BBOX1: variants seen among roughly 807,000 people sequenced by gnomAD.
BBOX1 encodes the protein gamma-butyrobetaine hydroxylase 1.
In BBOX1, 35 loss-of-function variants were observed where a neutral mutation model predicts 41.6. The observed-to-expected ratio is 0.84, with a 90% CI of 0.64 to 1.11. BBOX1 has a LOEUF of 1.11. Among genes scored for constraint, BBOX1 ranks in the 50% most tolerant of loss-of-function variants. BBOX1 has a pLI of 0.00. For synonymous variants in BBOX1, 163 were observed against 154.7 expected, an observed-to-expected ratio of 1.05 and a Z score of -0.40; for missense variants, 458 against 460.6, an observed-to-expected ratio of 0.99 and a Z score of 0.05.
At chr11:27,106,159 G>A (rs570941653) in intron 5 of BBOX1, among the ~76,000 whole-genome samples, 18 of 152,060 alleles carry the variant, frequency 1.2e-4, no homozygotes, top group Non-Finnish European at 5.9e-5. Flanking sequence ...AAAGACCATC[G>A]ATGTTAGGAA....
chr11:27,078,474 C>T (rs1245578458), intron 4 of BBOX1, among the ~76,000 whole-genome samples: 1 of 152,030 alleles, frequency 6.6e-6, no homozygotes, highest in Non-Finnish European at 1.5e-5. Flanking sequence ...TTCCCCTATC[C>T]CCCCACCATG....
chr11:27,068,979 T>C lies in BBOX1; in HGVS notation c.334+11664T>C, dbSNP rs546750674. 7.2e-5 allele frequency among the ~76,000 whole-genome samples: 11 copies of C among 152,288 alleles called. No individual in the cohort carries two copies. In the South Asian group the frequency reaches 2.3e-3, roughly 32 times the overall value. ...TGCTGTTTTGGTAACTATAGCATTA[T>C]AGTAAAATTTGAAATCAGTTCAGAT... On this transcript the variant is annotated intron_variant, in intron 4 of 8. Transcript: ENST00000263182.
chr11:27,118,097 G>T (rs1202364147), intron 6 of BBOX1, among the ~76,000 whole-genome samples: 1 of 151,858 alleles, frequency 6.6e-6, no homozygotes, highest in Middle Eastern at 3.2e-3. Context: ...GAAGAAAAAA[G>T]TTCTTTGTAT....
chr11:27,094,181 T>C (rs1858350794), intron 5 of BBOX1, among the ~76,000 whole-genome samples: 1 of 151,948 alleles, frequency 6.6e-6, no homozygotes, highest in African/African-American at 2.4e-5. Context: ...AAGAGGCTGT[T>C]TGCATAAGAA....
intron 5 of BBOX1, among the ~76,000 whole-genome samples, chr11:27,108,556 G>A (rs1858944541): frequency 6.6e-6 from 1 of 152,040 alleles, no homozygotes; most frequent in Non-Finnish European, 1.5e-5. Context: ...GGAGTGACAT[G>A]AACTTCATAG....
At position 27,057,291 on chromosome 11, in the gene BBOX1, C is replaced by A. The variant is rs1317290982; in HGVS notation, c.310C>A (p.Leu104Ile). Residue 104 changes from leucine to isoleucine, a missense_variant, in exon 4 of 9, where the codon CTC (leucine) becomes ATC (isoleucine). By Grantham distance (5) the Leu-to-Ile change is conservative (BLOSUM62 2). Transcript: ENST00000263182. ...CTTTTCCAAGCAGGCCAGAGCAAAG[C>A]TCCAAAGAGAATTGTTTTTTCCAGG... ...RCFSKQARAK[L>I]QRELFFPECQ... The A allele has an allele frequency of 6.2e-7, 1 of 1,611,402 alleles. No homozygotes were observed.
intron 3 of BBOX1, 54 bp from the exon 4 acceptor site, chr11:27,057,147 G>A: frequency 8.3e-7 from 1 of 1,199,620 alleles, no homozygotes; most frequent in Non-Finnish European, 1.2e-6. Context: ...CAGAGCAATA[G>A]TGGAGAACGG....
rs541547655 is a variant in BBOX1, at chr11:27,071,937, A to G, written c.334+14622A>G. Among the ~76,000 whole-genome samples the G allele has an allele frequency of 2.6e-5, 4 of 152,286 alleles. No homozygotes were observed. In the South Asian group the frequency reaches 6.2e-4, roughly 24 times the overall value. Reference sequence around the variant, plus strand: ...GACATATCTCAAAATAATAAGAGCTATTTATGACAAACCCACAGCCAATAT... The same window carrying G: ...GACATATCTCAAAATAATAAGAGCTGTTTATGACAAACCCACAGCCAATAT... On this transcript the variant is annotated intron_variant, in intron 4 of 8. Transcript: ENST00000263182.
intron 4 of BBOX1, among the ~76,000 whole-genome samples, chr11:27,072,170 C>T (rs1374924994): frequency 6.6e-6 from 1 of 152,120 alleles, no homozygotes; most frequent in East Asian, 1.9e-4. Flanking sequence ...ATTTAGAAAA[C>T]CCCATCATCT....
At chr11:27,048,532 T>TA (rs1564950638) in intron 2 of BBOX1, among the ~76,000 whole-genome samples, 1 of 150,204 alleles carries the variant, frequency 6.7e-6, no homozygotes, top group African/African-American at 2.5e-5. Context: ...GATAGATAGA[T>TA]GATAGATAGA....
At chr11:27,058,143 G>T (rs1857039696) in intron 4 of BBOX1, among the ~76,000 whole-genome samples, 1 of 152,126 alleles carries the variant, frequency 6.6e-6, no homozygotes, top group Non-Finnish European at 1.5e-5. Flanking sequence ...GTTCTTGCAA[G>T]ATCTGGTCAT....
chr11:27,098,305 T>C (rs1446227237), intron 5 of BBOX1, among the ~76,000 whole-genome samples: 1 of 151,990 alleles, frequency 6.6e-6, no homozygotes, highest in East Asian at 1.9e-4. Context: ...GTGAAACCAC[T>C]ACCAGTACCT....
At chr11:27,084,144 G>T (rs1333555942) in intron 4 of BBOX1, among the ~76,000 whole-genome samples, 1 of 152,138 alleles carries the variant, frequency 6.6e-6, no homozygotes, top group Non-Finnish European at 1.5e-5. Context: ...GGCATGGGTA[G>T]CCTGAGCACC....
chr11:27,104,565 T>G (rs1303379892), intron 5 of BBOX1, among the ~76,000 whole-genome samples: 1 of 152,162 alleles, frequency 6.6e-6, no homozygotes, highest in Non-Finnish European at 1.5e-5. Flanking sequence ...TGTGGAGATT[T>G]TCGTATTAGT....
intron 4 of BBOX1, among the ~76,000 whole-genome samples, chr11:27,079,864 C>T (rs1857773219): frequency 6.6e-6 from 1 of 152,096 alleles, no homozygotes; most frequent in African/African-American, 2.4e-5. Flanking sequence ...CTGTTTGTCT[C>T]TCATGATACT....
intron 4 of BBOX1, among the ~76,000 whole-genome samples, chr11:27,068,190 A>T (rs1025874596): frequency 2.6e-5 from 4 of 152,028 alleles, no homozygotes; most frequent in African/African-American, 9.7e-5. Flanking sequence ...TTACATTCCT[A>T]CCCACAGTGA....
chr11:27,084,354 A>G (rs1857958829), intron 4 of BBOX1, among the ~76,000 whole-genome samples: 1 of 152,080 alleles, frequency 6.6e-6, no homozygotes, highest in Non-Finnish European at 1.5e-5. Context: ...CTTGCATTCA[A>G]ATCTTCATCA....
chr11:27,047,447 A>G (rs1220614032), intron 2 of BBOX1: 1 of 152,210 alleles, frequency 6.6e-6, no homozygotes, highest in Non-Finnish European at 1.5e-5. Context: ...GCACACCACC[A>G]TCTTTAAGCA....
At chr11:27,119,089 C>T (rs1488798227) in intron 6 of BBOX1, among the ~76,000 whole-genome samples, 1 of 152,040 alleles carries the variant, frequency 6.6e-6, no homozygotes, top group East Asian at 1.9e-4. Flanking sequence ...CATGAGGCCT[C>T]ACCAATTGCC....
Sources: allele counts gnomAD v4.1 joint callset (sites outside exome capture counted in the v4.1 genomes callset), GRCh38; gene constraint gnomAD v4.1.1; transcripts MANE v1.5; gene names NCBI Gene and HGNC (gene_info 2026-07-23, HGNC 2026-07-21).